Variants in ABCG1 observed in about 807,000 individuals in gnomAD.
ABCG1 encodes ATP-binding cassette sub-family G member 1.
In ABCG1, 29 loss-of-function variants were observed where a neutral mutation model predicts 69.2. The observed-to-expected ratio is 0.42, with a 90% CI of 0.31 to 0.57. ABCG1 has a LOEUF of 0.57. Among genes scored for constraint, ABCG1 ranks in the 20% least tolerant of loss-of-function variants. The probability of loss-of-function intolerance (pLI) is 0.15; values close to 1 mark genes in which losing one functional copy is unlikely to be tolerated. For missense variants in ABCG1, 718 were observed against 898.1 expected, an observed-to-expected ratio of 0.80 and a Z score of 2.56; for synonymous variants, 370 against 374.8, an observed-to-expected ratio of 0.99 and a Z score of 0.15.
rs1032915920 is a variant in ABCG1 at position 42,207,175 on chromosome 21, G to T, written c.48+5452G>T. ...AGAGGTTTTCAGCTGTTATTTCTTT[G>T]ATTACTTTTTAACCCCTCAGCCCCA... On this transcript the variant is annotated intron_variant, in intron 2 of 15. Coordinates refer to the ABCG1 transcript ENST00000398457. Among the ~76,000 whole-genome samples the T allele has an allele frequency of 1.2e-4, 19 of 152,178 alleles. No homozygotes were observed. The East Asian group carries it at 3.7e-3, about 29-fold the overall frequency.
chr21:42,206,520 G>A (rs1248493279), intron 2 of ABCG1, among the ~76,000 whole-genome samples: 1 of 152,076 alleles, frequency 6.6e-6, no homozygotes, highest in East Asian at 1.9e-4. Context: ...TCTGTTGTTG[G>A]GTGGAGTGTT....
In ABCG1 at chr21:42,290,148, C is replaced by T. The variant is rs2069028437; in HGVS notation, c.1323C>T (p.Ser441=). 1 of 1,614,172 alleles carries T rather than the reference C, an allele frequency of 6.2e-7. No homozygotes were observed. Among genetic ancestry groups the T allele is most frequent in the Non-Finnish European group, 8.5e-7 (1 of 1,180,040 alleles). ...GGAACGAAGCCAAGAAGGTCTTGAG[C>T]AACTCCGGCTTCCTCTTCTTCTCCA... ...GIGNEAKKVL[S]NSGFLFFSML... is the part of the protein sequence containing the mutation. Residue 441 remains serine (S), a synonymous_variant, in exon 11 of 15, where the codon AGC becomes AGT. Coordinates refer to ENST00000398449, the MANE Select transcript of ABCG1 (RefSeq NM_016818.3).
chr21:42,273,777 TC>T lies in ABCG1; in HGVS notation c.537+344del, dbSNP rs2068660795. ...TCCTGCAGGCCAGTGCTTGGGATTC[TC>T]CTTCCTGTCAGCTATCCTTGAGTCT... On this transcript the variant is annotated intron_variant, in intron 4 of 14. Transcript: ENST00000398449. The surrounding 1 kb of genome is among the most constrained non-coding windows in gnomAD (Gnocchi z 5.3). 6.6e-6 allele frequency among the ~76,000 whole-genome samples: 1 copy of T among 152,192 alleles called. No homozygotes were observed. Among genetic ancestry groups the T allele is most frequent in the African/African-American group, 2.4e-5 (1 of 41,442 alleles).
In ABCG1 at chr21:42,288,160, C is replaced by T. The variant is rs1222507187; in HGVS notation, c.1123-51C>T. The T allele has an allele frequency of 2.5e-6, 4 of 1,610,518 alleles. No homozygotes were observed. In the African/African-American group the frequency reaches 4.0e-5, roughly 16 times the overall value. ...AGAGCTCTTTCCGAGCAAGAAGGAG[C>T]CGTGGCTCCGGACTGGCTTTCACCC... On this transcript the variant is annotated intron_variant, in intron 9 of 14. Transcript: ENST00000398449. The surrounding 1 kb of genome is among the most constrained non-coding windows in gnomAD (Gnocchi z 4.8).
chr21:42,277,333 C>T (rs544540178), intron 5 of ABCG1, among the ~76,000 whole-genome samples: 14 of 152,200 alleles, frequency 9.2e-5, no homozygotes, highest in Admixed American at 4.6e-4. Context: ...GTTAGTCATT[C>T]GTTTAAAAAT....
At chr21:42,200,578 C>A (rs2067498302) in intron 1 of ABCG1, among the ~76,000 whole-genome samples, 1 of 148,432 alleles carries the variant, frequency 6.7e-6, no homozygotes, top group Admixed American at 6.7e-5. Context: ...GATTCAAATG[C>A]AATACTTTTA....
intron 2 of ABCG1, among the ~76,000 whole-genome samples, chr21:42,202,730 G>A (rs2067516330): frequency 6.6e-6 from 1 of 151,850 alleles, no homozygotes; most frequent in Admixed American, 6.6e-5. Flanking sequence ...TCCCACCTCA[G>A]CCACCTGAGT....
At chr21:42,272,009 G>T (rs572117417) in intron 3 of ABCG1, among the ~76,000 whole-genome samples, 1 of 152,248 alleles carries the variant, frequency 6.6e-6, no homozygotes, top group South Asian at 2.1e-4. Context: ...TTTAGAAAAT[G>T]CTCTGTTAAA....
In ABCG1 at chr21:42,283,814, G is replaced by T. The variant is rs1468337949; in HGVS notation, c.735-746G>T. On this transcript the variant is annotated intron_variant, in intron 6 of 14. Transcript: ENST00000398449. ...GATGAGTGGGGACCCCCCCACCTCT[G>T]TCCCGCCTGGACAGTTGCAAAGTCC... Among the ~76,000 whole-genome samples, 20 of 61,878 alleles carry T rather than the reference G, an allele frequency of 3.2e-4. 1 individual carries two copies. Among genetic ancestry groups the T allele is most frequent in the African/African-American group, 1.4e-3 (18 of 12,878 alleles). 40.6% of individuals were successfully genotyped at this position (61,878 alleles called of 152,430 possible).
At chr21:42,281,523 G>A (rs754287074) in intron 5 of ABCG1, among the ~76,000 whole-genome samples, 20 of 152,222 alleles carry the variant, frequency 1.3e-4, no homozygotes, top group Non-Finnish European at 2.1e-4. Context: ...TGTTCCTGGC[G>A]TGCAGCCTGC....
At chr21:42,236,258 G>A (rs1374865611) in intron 2 of ABCG1, among the ~76,000 whole-genome samples, 2 of 152,276 alleles carry the variant, frequency 1.3e-5, no homozygotes, top group Non-Finnish European at 2.9e-5. Context: ...TTCTACCCTA[G>A]GCAGGTTAGA....
In ABCG1 at chr21:42,284,249, T is replaced by C. The variant is rs1311799; in HGVS notation, c.735-311T>C. ...CCCCCCCACCTCTGTCCCGCCTGGA[T>C]AGTTGTGAAGTCCCTCCCTGCCCAG... On this transcript the variant is annotated intron_variant, in intron 6 of 14. Coordinates refer to ENST00000398449, the MANE Select transcript of ABCG1 (RefSeq NM_016818.3). Among the ~76,000 whole-genome samples the C allele has an allele frequency of 8.2e-4, 112 of 136,660 alleles. 1 individual carries two copies. The highest frequency in any genetic ancestry group is 3.5e-3 in the South Asian group (14 of 3,998). The allele number at this position is 136,660 out of a possible 152,430, so 89.7% of individuals were successfully genotyped here. A position where few individuals can be genotyped will look rare whatever the true frequency, so the allele number is the denominator to read the frequency against.
chr21:42,242,372 G>A (rs1467509256), intron 2 of ABCG1, among the ~76,000 whole-genome samples: 1 of 152,150 alleles, frequency 6.6e-6, no homozygotes, highest in Non-Finnish European at 1.5e-5. Flanking sequence ...ATAGTAGTGT[G>A]CACCTGTAGT....
Position 42,241,977 on chromosome 21 carries a change from C to CAA in ABCG1, c.286+16081_286+16082dup, listed in dbSNP as rs35823612. ...TGGACAACAGAGCAAGACCCTGTCT[C>CAA]AAAAAAAAAAAAAAAAAAAGAACTC... On this transcript the variant is annotated intron_variant, in intron 2 of 14. Transcript: ENST00000398449. 7.0e-3 allele frequency among the ~76,000 whole-genome samples: 663 copies of CAA among 94,226 alleles called. 15 individuals are homozygous for CAA. Among genetic ancestry groups the CAA allele is most frequent in the African/African-American group, 0.022 (572 of 25,912 alleles). The allele number at this position is 94,226 out of a possible 152,430, so 61.8% of individuals were successfully genotyped here. A position where few individuals can be genotyped will look rare whatever the true frequency, so the allele number is the denominator to read the frequency against.
rs1310973651 is a variant in ABCG1, at chr21:42,283,752, G to T, written c.735-808G>T. ...AGATGAGTGGGGACCCCCCACCTCT[G>T]TCCTGCCTGGACAGTTGTGAAGTAC... On this transcript the variant is annotated intron_variant, in intron 6 of 14. Transcript: ENST00000398449. Among the ~76,000 whole-genome samples, 31 of 22,008 alleles carry T rather than the reference G, an allele frequency of 1.4e-3. 1 individual carries two copies. Among genetic ancestry groups the T allele is most frequent in the African/African-American group, 4.9e-3 (14 of 2,840 alleles). The allele number at this position is 22,008 out of a possible 152,430, so 14.4% of individuals were successfully genotyped here. A position where few individuals can be genotyped will look rare whatever the true frequency, so the allele number is the denominator to read the frequency against.
chr21:42,200,366 C>T (rs763033691), intron 1 of ABCG1, among the ~76,000 whole-genome samples: 21 of 152,336 alleles, frequency 1.4e-4, no homozygotes, highest in African/African-American at 4.3e-4. Flanking sequence ...CAGCCTCCCC[C>T]TCTCAGCCTG....
At position 42,291,296 on chromosome 21, in the gene ABCG1, C is replaced by A; in HGVS notation, c.1494+104C>A. On this transcript the variant is annotated intron_variant, in intron 12 of 14. Coordinates refer to ENST00000398449, the MANE Select transcript of ABCG1 (RefSeq NM_016818.3). The surrounding 1 kb of genome is among the most constrained non-coding windows in gnomAD (Gnocchi z 6.4). The stretch of plus-strand genomic sequence containing the variant: ...GCCAGGGATGCAGGGTGACATGGCC[C>A]GACTTCGGGAGCTCTGGTGGGAGCT... 2 of 1,181,510 alleles carry A rather than the reference C, an allele frequency of 1.7e-6. No homozygotes were observed. The highest frequency in any genetic ancestry group is 1.5e-5 in the African/African-American group (1 of 66,074). 73.2% of individuals were successfully genotyped at this position (1,181,510 alleles called of 1,614,324 possible).
chr21:42,220,599 C>A (rs1328650373), intron 1 of ABCG1, among the ~76,000 whole-genome samples: 1 of 152,250 alleles, frequency 6.6e-6, no homozygotes, highest in African/African-American at 2.4e-5. Flanking sequence ...GAGGGGAGAG[C>A]CCGAGCGGGA....
At chr21:42,283,719 CACCACCCA>C (rs2068863791) in intron 6 of ABCG1, among the ~76,000 whole-genome samples, 3 of 90,042 alleles carry the variant, frequency 3.3e-5, no homozygotes, top group Non-Finnish European at 6.7e-5. Flanking sequence ...AAGTACCACC[CACCACCCA>C]GATGAGTGGG....
Sources: gnomAD v4.1 joint callset for allele counts (sites outside exome capture counted in the v4.1 genomes callset) on GRCh38, gnomAD v4.1.1 for gene constraint, Gnocchi (gnomAD v3.1) non-coding constraint, MANE v1.5 for transcripts, NCBI Gene and HGNC (gene_info 2026-07-23, HGNC 2026-07-21) for gene names.